The following AQR variants were observed in gnomAD, a reference collection of about 807,000 sequenced individuals.
The protein encoded by AQR is RNA helicase aquarius.
In AQR, 61 loss-of-function variants were observed where a neutral mutation model predicts 180.5. The ratio of observed to expected loss-of-function variants is 0.34; its 90% CI spans 0.28 to 0.42. The LOEUF (loss-of-function observed/expected upper bound fraction) is 0.42. Ranked by LOEUF, AQR falls within the 10% of genes least tolerant of loss-of-function variation. The probability of loss-of-function intolerance (pLI) is 1.00; values close to 1 mark genes in which losing one functional copy is unlikely to be tolerated. For missense variants in AQR, 1,281 were observed against 1,798.3 expected, an observed-to-expected ratio of 0.71 and a Z score of 5.20; for synonymous variants, 551 against 588.8, an observed-to-expected ratio of 0.94 and a Z score of 0.93.
intron 19 of AQR, among the ~76,000 whole-genome samples, chr15:34,903,116 A>G (rs1001717061): frequency 2.0e-5 from 3 of 152,164 alleles, no homozygotes; most frequent in Non-Finnish European, 4.4e-5. Context: ...GAAAAGAACT[A>G]TGTAAATACC....
rs1595776564 is a variant in AQR at position 34,853,572 on chromosome 15, C to T, written c.*3220G>A. ...TCCTAGATAGATCCTCAAAGGTCAA[C>T]TGCCACTAGGTGTCCCCTTCTTGAT... On this transcript the variant is annotated 3_prime_UTR_variant, in exon 35 of 35. Transcript: ENST00000156471. The T allele has an allele frequency of 1.3e-5, 2 of 152,244 alleles. No individual in the cohort carries two copies. The highest frequency in any genetic ancestry group is 1.3e-4 in the Admixed American group (2 of 15,272). 9.4% of individuals were successfully genotyped at this position (152,244 alleles called of 1,614,324 possible). A position where few individuals can be genotyped will look rare whatever the true frequency, so the allele number is the denominator to read the frequency against.
At chr15:34,877,302 T>G (rs1022453934) in intron 27 of AQR, among the ~76,000 whole-genome samples, 2 of 152,220 alleles carry the variant, frequency 1.3e-5, no homozygotes, top group Admixed American at 6.5e-5. Flanking sequence ...AAGTACACAT[T>G]AGAGTTCTGT....
At chr15:34,897,030 G>T in intron 21 of AQR, 64 bp from the exon 22 acceptor site, 1 of 1,304,994 alleles carries the variant, frequency 7.7e-7, no homozygotes, top group South Asian at 1.2e-5. Flanking sequence ...TACAAATTTA[G>T]ACAACAATGA....
At chr15:34,926,808 C>A (rs976372471) in intron 13 of AQR, among the ~76,000 whole-genome samples, 36 of 152,026 alleles carry the variant, frequency 2.4e-4, no homozygotes, top group Middle Eastern at 3.4e-3. Context: ...AATTTCAGAT[C>A]GAAGAAAATT....
intron 5 of AQR, among the ~76,000 whole-genome samples, chr15:34,946,813 C>T (rs1894132687): frequency 6.6e-6 from 1 of 150,598 alleles, no homozygotes; most frequent in Admixed American, 6.6e-5. Flanking sequence ...TGAGGGGCGT[C>T]TCTGCCCGGC....
At chr15:34,864,538 T>G (rs1223225784) in intron 32 of AQR, among the ~76,000 whole-genome samples, 1 of 152,228 alleles carries the variant, frequency 6.6e-6, no homozygotes, top group East Asian at 1.9e-4. Flanking sequence ...TAACTGAAGG[T>G]ACACTGCTAG....
intron 3 of AQR, among the ~76,000 whole-genome samples, chr15:34,953,457 G>A (rs1894263702): frequency 6.6e-6 from 1 of 151,970 alleles, no homozygotes; most frequent in Non-Finnish European, 1.5e-5. Flanking sequence ...TTCCAGCTTT[G>A]AAAATTAAAA....
intron 14 of AQR, among the ~76,000 whole-genome samples, 170 bp downstream of exon 14, chr15:34,920,162 G>T (rs528767131): frequency 6.6e-6 from 1 of 152,074 alleles, no homozygotes; most frequent in African/African-American, 2.4e-5. Flanking sequence ...AAAGAAATTC[G>T]AAAGATGAGA....
In AQR at chr15:34,862,983, C is replaced by T. The variant is rs750851775; in HGVS notation, c.3913G>A (p.Ala1305Thr). ...CAGTTTTGGAAGAGGGATACTCTGG[C>T]GAAGATATAAAGTCCAAGTCTGGCT... Reference protein sequence around the residue: ...SRARLGLYIFARVSLFQNCFE... With the variant: ...SRARLGLYIFTRVSLFQNCFE... Residue 1305 changes from alanine (A) to threonine (T), a missense_variant, in exon 33 of 35, where the codon GCC becomes ACC. By Grantham distance (58) the Ala-to-Thr change is moderately conservative. Around this residue, in one of 9 missense-constraint regions of AQR, gnomAD observed 197 missense variants for 320.7 expected, o/e 0.61. Transcript: ENST00000156471. 46 of 1,613,548 alleles carry T rather than the reference C, an allele frequency of 2.9e-5. No individual in the cohort carries two copies. The highest frequency in any genetic ancestry group is 3.7e-5 in the Non-Finnish European group (44 of 1,179,794).
intron 14 of AQR, among the ~76,000 whole-genome samples, chr15:34,919,574 T>C (rs1893652264): frequency 6.6e-6 from 1 of 152,172 alleles, no homozygotes; most frequent in African/African-American, 2.4e-5. Flanking sequence ...GGATCAACGT[T>C]ATCCTCAAAC....
intron 20 of AQR, among the ~76,000 whole-genome samples, chr15:34,899,675 A>ATT (rs1245383415): frequency 4.7e-4 from 70 of 148,928 alleles, no homozygotes; most frequent in South Asian, 2.1e-4. Context: ...CTGGCCTATT[A>ATT]TTATATATAT....
intron 33 of AQR, 107 bp from the exon 34 acceptor site, chr15:34,860,262 C>G: frequency 4.4e-6 from 2 of 455,864 alleles, no homozygotes; most frequent in Non-Finnish European, 7.5e-6. Context: ...CAATTAGGGT[C>G]TGGAAGACCT....
At chr15:34,918,897 T>C (rs1292592577) in intron 14 of AQR, among the ~76,000 whole-genome samples, 1 of 151,648 alleles carries the variant, frequency 6.6e-6, no homozygotes, top group Non-Finnish European at 1.5e-5. Flanking sequence ...TTCCTTTCCA[T>C]GATGACCTCT....
intron 20 of AQR, among the ~76,000 whole-genome samples, chr15:34,899,466 A>G (rs1420255997): frequency 2.0e-5 from 3 of 151,090 alleles, no homozygotes; most frequent in Admixed American, 6.6e-5. Context: ...GCAGCCTCAC[A>G]CTCCTGGGTT....
intron 16 of AQR, among the ~76,000 whole-genome samples, chr15:34,912,256 G>T (rs967319006): frequency 9.2e-5 from 14 of 152,142 alleles, no homozygotes; most frequent in African/African-American, 1.2e-4. Context: ...GCTATTCAGG[G>T]TCTCTTCATG....
intron 22 of AQR, 24 bp downstream of exon 22, chr15:34,896,873 A>T: frequency 1.3e-6 from 2 of 1,591,726 alleles, no homozygotes; most frequent in Non-Finnish European, 1.7e-6. Flanking sequence ...ACAAACAAAC[A>T]AACAGGTGTA....
At chr15:34,872,190 A>G (rs1291357441) in intron 30 of AQR, among the ~76,000 whole-genome samples, 1 of 152,038 alleles carries the variant, frequency 6.6e-6, no homozygotes, top group Non-Finnish European at 1.5e-5. Context: ...ACATTTTAGA[A>G]CTCGCTCCAA....
At chr15:34,861,486 T>C (rs1406866722) in intron 33 of AQR, among the ~76,000 whole-genome samples, 1 of 152,214 alleles carries the variant, frequency 6.6e-6, no homozygotes, top group South Asian at 2.1e-4. Context: ...ATGAGTGTTA[T>C]CTAAAGCATG....
rs143740579 is a variant in AQR, at chr15:34,857,422, T to C, written c.4144-316A>G. ...AACAGTGACTGATCAGGACTGATTA[T>C]AAAACTAACTCAAGAAAGGGTCAAC... On this transcript the variant is annotated intron_variant, in intron 34 of 34. Transcript: ENST00000156471. Among the ~76,000 whole-genome samples the C allele has an allele frequency of 7.9e-5, 12 of 152,340 alleles. No individual in the cohort carries two copies. In the East Asian group the frequency reaches 1.9e-3, roughly 24 times the overall value.
Sources: gnomAD v4.1 joint callset for allele counts (sites outside exome capture counted in the v4.1 genomes callset) on GRCh38, gnomAD v4.1.1 for gene constraint, gnomAD v4.1.1 regional missense constraint, MANE v1.5 for transcripts, NCBI Gene and HGNC (gene_info 2026-07-23, HGNC 2026-07-21) for gene names.